Variants in ADAMTS5 observed in about 807,000 individuals in gnomAD.
ADAMTS5 encodes ADAM metallopeptidase with thrombospondin type 1 motif 5.
A neutral mutation model predicts 81.4 loss-of-function variants in ADAMTS5; 54 were observed. The ratio of observed to expected loss-of-function variants is 0.66; its 90% CI spans 0.53 to 0.83. The LOEUF (loss-of-function observed/expected upper bound fraction) is 0.83. Among genes scored for constraint, ADAMTS5 ranks in the 40% least tolerant of loss-of-function variants. The pLI is 0.00. For synonymous variants in ADAMTS5, 532 were observed against 508.8 expected (o/e 1.05, Z -0.61); for missense variants, 1,194 against 1,229.9 (o/e 0.97, Z 0.44).
rs1986645068 is a variant in ADAMTS5, at chr21:26,919,364, A to G, written c.*4689T>C. ...TTGACCTTTACAGTCCACATGGTCC[A>G]GTTAGTTGAAGCCACAAAATAAAGA... is the stretch of plus-strand genomic sequence containing the variant. On this transcript the variant is annotated 3_prime_UTR_variant, in exon 8 of 8. Coordinates refer to ENST00000284987, the MANE Select transcript of ADAMTS5 (RefSeq NM_007038.5). The G allele has an allele frequency of 6.6e-6, 1 of 151,858 alleles. No homozygotes were observed. Among genetic ancestry groups the G allele is most frequent in the South Asian group, 2.1e-4 (1 of 4,822 alleles). The allele number at this position is 151,858 out of a possible 1,614,324, so 9.4% of individuals were successfully genotyped here. A position where few individuals can be genotyped will look rare whatever the true frequency, so the allele number is the denominator to read the frequency against.
rs1012710088 is a variant in ADAMTS5 at position 26,951,755 on chromosome 21, AT to A, written c.1237+2983del. On this transcript the variant is annotated intron_variant, in intron 2 of 7. Transcript: ENST00000284987. ...AGAGAGAAGATTGCAGGAATTGAGA[AT>A]TAGAATCGAGAGCATGGTTAGCTCA... is the stretch of plus-strand genomic sequence containing the variant. 3.6e-4 allele frequency among the ~76,000 whole-genome samples: 54 copies of A among 149,846 alleles called. 1 individual carries two copies. The highest frequency in any genetic ancestry group is 2.1e-4 in the Non-Finnish European group (14 of 67,614).
Position 26,921,303 on chromosome 21 carries a change from G to A in ADAMTS5, c.*2750C>T, listed in dbSNP as rs1986688936. 6.6e-6 allele frequency: 1 copy of A among 151,474 alleles called. No individual in the cohort carries two copies. Among genetic ancestry groups the A allele is most frequent in the Non-Finnish European group, 1.5e-5 (1 of 67,752 alleles). 9.4% of individuals were successfully genotyped at this position (151,474 alleles called of 1,614,324 possible). ...CACATATTTCTAAACAGCAAGGCAG[G>A]GCTTAATTTAAATTTTTCTGATCTA... On this transcript the variant is annotated 3_prime_UTR_variant, in exon 8 of 8. Coordinates refer to ENST00000284987, the MANE Select transcript of ADAMTS5 (RefSeq NM_007038.5).
chr21:26,934,618 C>T lies in ADAMTS5; in HGVS notation c.1537G>A (p.Val513Ile). Residue 513 changes from valine (V) to isoleucine (I), a missense_variant, in exon 4 of 8, where the codon GTC (valine) becomes ATC (isoleucine). By Grantham distance (29) the Val-to-Ile change is conservative. Coordinates refer to ENST00000284987, the MANE Select transcript of ADAMTS5 (RefSeq NM_007038.5). ...ACAGCACACCACAGGCGAGCACAGA[C>T]ATCCATGCCGGGACACACGGAGTAC... is the stretch of plus-strand genomic sequence containing the variant. ...PEYSVCPGMD[V>I]CARLWCAVVR... The T allele has an allele frequency of 6.2e-7, 1 of 1,614,210 alleles. No homozygotes were observed. Among genetic ancestry groups the T allele is most frequent in the Non-Finnish European group, 8.5e-7 (1 of 1,180,046 alleles).
chr21:26,924,681 T>A (rs1368263288), intron 7 of ADAMTS5, 61 bp from the exon 8 acceptor site: 9 of 1,326,686 alleles, frequency 6.8e-6, no homozygotes, highest in South Asian at 1.4e-5. Flanking sequence ...GAGAAAAAAA[T>A]GAGTAAACAC....
chr21:26,924,488 G>A lies in ADAMTS5; in HGVS notation c.2358C>T (p.Ile786=), dbSNP rs777103510. 1.2e-6 allele frequency: 2 copies of A among 1,614,138 alleles called. No individual in the cohort carries two copies. The highest frequency in any genetic ancestry group is 1.7e-6 in the Non-Finnish European group (2 of 1,180,016). Residue 786 remains isoleucine (I), a synonymous_variant, in exon 8 of 8, where the codon ATC becomes ATT. Coordinates refer to ENST00000284987, the MANE Select transcript of ADAMTS5 (RefSeq NM_007038.5). ...ALKKKNGEYL[I]NGKYMISTSE... ...AAGTGGAGATCATGTACTTTCCATT[G>A]ATAAGGTACTCACCGTTTTTCTTTT...
intron 2 of ADAMTS5, among the ~76,000 whole-genome samples, chr21:26,953,441 A>C (rs1201322614): frequency 6.6e-6 from 1 of 152,232 alleles, no homozygotes; most frequent in East Asian, 1.9e-4. Context: ...TTAACTACTG[A>C]ATTCTGTTTT....
intron 3 of ADAMTS5, among the ~76,000 whole-genome samples, chr21:26,939,458 A>T (rs573186865): frequency 6.6e-6 from 1 of 152,344 alleles, no homozygotes; most frequent in South Asian, 2.1e-4. Context: ...TTAAAAACTG[A>T]TGTTAAGCTC....
At chr21:26,925,529 T>A (rs949568568) in intron 7 of ADAMTS5, among the ~76,000 whole-genome samples, 1 of 152,190 alleles carries the variant, frequency 6.6e-6, no homozygotes, top group Admixed American at 6.5e-5. Flanking sequence ...CTGTGAGGAA[T>A]GCTAGGATGG....
chr21:26,938,701 T>C (rs1389598473), intron 3 of ADAMTS5, among the ~76,000 whole-genome samples: 1 of 152,178 alleles, frequency 6.6e-6, no homozygotes, highest in Non-Finnish European at 1.5e-5. Flanking sequence ...AACTGATTTT[T>C]GTATTTTTAG....
At chr21:26,937,771 A>G (rs571860180) in intron 3 of ADAMTS5, among the ~76,000 whole-genome samples, 1 of 152,240 alleles carries the variant, frequency 6.6e-6, no homozygotes, top group East Asian at 1.9e-4. Flanking sequence ...CCTAGTGCTG[A>G]TTTTTTTCTT....
chr21:26,965,627 C>G lies in ADAMTS5; in HGVS notation c.765G>C (p.Trp255Cys). The change falls in exon 1 of 8, where the codon TGG (tryptophan) becomes TGC (cysteine). Residue 255 changes from tryptophan to cysteine, a missense_variant. Trp to Cys is a radical substitution (Grantham distance 215). Coordinates refer to ENST00000284987, the MANE Select transcript of ADAMTS5 (RefSeq NM_007038.5). The stretch of plus-strand genomic sequence containing the variant: ...AGATGGAGCGGCGCCGCCGCCGCCA[C>G]CACGTCTGCGGTCCTGAGCCCCCAG... ...SPAGGSGPQT[W>C]WRRRRRSISR... The G allele has an allele frequency of 6.3e-7, 1 of 1,597,352 alleles. No individual in the cohort carries two copies. Among genetic ancestry groups the G allele is most frequent in the Non-Finnish European group, 8.5e-7 (1 of 1,173,494 alleles).
At chr21:26,926,121 G>A (rs779277963) in intron 7 of ADAMTS5, among the ~76,000 whole-genome samples, 12 of 152,266 alleles carry the variant, frequency 7.9e-5, no homozygotes, top group Admixed American at 7.8e-4. Context: ...AAGTAAAAGA[G>A]TTAGCCAGGG....
rs150946533 is a variant in ADAMTS5 at position 26,932,370 on chromosome 21, C to A, written c.1874-191G>T. On this transcript the variant is annotated intron_variant, in intron 5 of 7. Coordinates refer to ENST00000284987, the MANE Select transcript of ADAMTS5 (RefSeq NM_007038.5). ...AAAATGGTGATTATTTATTCCAATTCTCTGAATATTGCTTATAATAAAACT... is the reference window on the plus strand; with the variant it reads ...AAAATGGTGATTATTTATTCCAATTATCTGAATATTGCTTATAATAAAACT... Among the ~76,000 whole-genome samples, 17 of 152,008 alleles carry A rather than the reference C, an allele frequency of 1.1e-4. No homozygotes were observed. The East Asian group carries it at 3.1e-3, about 28-fold the overall frequency.
intron 3 of ADAMTS5, among the ~76,000 whole-genome samples, chr21:26,939,381 A>G (rs1050876319): frequency 1.3e-5 from 2 of 152,222 alleles, no homozygotes; most frequent in Non-Finnish European, 2.9e-5. Flanking sequence ...ACTCTATTAA[A>G]GAGCATATTT....
At chr21:26,958,546 T>C (rs536804657) in intron 1 of ADAMTS5, among the ~76,000 whole-genome samples, 1 of 152,342 alleles carries the variant, frequency 6.6e-6, no homozygotes, top group Admixed American at 6.5e-5. Context: ...ACCCATTTTA[T>C]ACAATCTCTA....
chr21:26,953,320 T>C (rs1425891231), intron 2 of ADAMTS5, among the ~76,000 whole-genome samples: 1 of 152,218 alleles, frequency 6.6e-6, no homozygotes, highest in Non-Finnish European at 1.5e-5. Flanking sequence ...TGAATTATTC[T>C]CAGTGATGCT....
rs1002051771 is a variant in ADAMTS5, at chr21:26,956,936, T to C, written c.1105-2065A>G. Among the ~76,000 whole-genome samples the C allele has an allele frequency of 1.5e-4, 23 of 152,232 alleles. 1 individual carries two copies. The highest frequency in any genetic ancestry group is 9.8e-4 in the Admixed American group (15 of 15,280). ...CATTTGGCCTTTTGCCACGGAAATGTGACAAAATTATGAACAGAAGCACTT... is the reference window on the plus strand; with the variant it reads ...CATTTGGCCTTTTGCCACGGAAATGCGACAAAATTATGAACAGAAGCACTT... On this transcript the variant is annotated intron_variant, in intron 1 of 7. Transcript: ENST00000284987.
intron 1 of ADAMTS5, among the ~76,000 whole-genome samples, chr21:26,956,370 C>T (rs1304775070): frequency 6.6e-6 from 1 of 152,170 alleles, no homozygotes; most frequent in Non-Finnish European, 1.5e-5. Flanking sequence ...AAATCTCAGC[C>T]AAGTAGCCTT....
Position 26,924,264 on chromosome 21 carries a change from G to C in ADAMTS5, c.2582C>G (p.Ser861Cys), listed in dbSNP as rs1568836934. The C allele has an allele frequency of 1.9e-6, 3 of 1,614,200 alleles. No individual in the cohort carries two copies. The change falls in exon 8 of 8, where the codon TCT (serine) becomes TGT (cysteine). Residue 861 changes from serine (S) to cysteine (C), a missense_variant. Ser to Cys is a moderately radical substitution (Grantham distance 112, BLOSUM62 -1). Coordinates refer to ENST00000284987, the MANE Select transcript of ADAMTS5 (RefSeq NM_007038.5). ...VPKKSTPKVN[S>C]VTSHGSNKVG... ...TTTATTGCTGCCATGACTAGTGACA[G>C]AGTTTACTTTTGGAGTGGACTTCTT...
Sources: gnomAD v4.1 joint callset for allele counts (sites outside exome capture counted in the v4.1 genomes callset) on GRCh38, gnomAD v4.1.1 for gene constraint, MANE v1.5 for transcripts, NCBI Gene and HGNC (gene_info 2026-07-23, HGNC 2026-07-21) for gene names.